CCDC102B: variants seen among roughly 807,000 people sequenced by gnomAD.
CCDC102B encodes coiled-coil domain-containing protein 102B.
In CCDC102B, 75 loss-of-function variants were observed where a neutral mutation model predicts 57.4. The observed-to-expected ratio is 1.31, with a 90% CI of 1.08 to 1.58. The LOEUF (loss-of-function observed/expected upper bound fraction) is 1.58. Among genes scored for constraint, CCDC102B ranks in the 40% most tolerant of loss-of-function variants. The pLI is 0.00. For missense variants in CCDC102B, 636 were observed against 582.6 expected, an observed-to-expected ratio of 1.09 and a Z score of -0.94; for synonymous variants, 206 against 201.9, an observed-to-expected ratio of 1.02 and a Z score of -0.17.
chr18:69,031,437 C>A (rs370997244), intron 7 of CCDC102B, among the ~76,000 whole-genome samples: 2 of 149,932 alleles, frequency 1.3e-5, no homozygotes, highest in African/African-American at 4.9e-5. Flanking sequence ...TACAAGGCAC[C>A]TTCCTGGAGA....
intron 5 of CCDC102B, among the ~76,000 whole-genome samples, chr18:68,881,537 G>A (rs2039692230): frequency 6.6e-6 from 1 of 152,136 alleles, no homozygotes; most frequent in African/African-American, 2.4e-5. Context: ...TGGGTGCATT[G>A]AGTAAAGCAG....
chr18:68,765,337 GAAAGAA>G (rs1432591378), intron 2 of CCDC102B, among the ~76,000 whole-genome samples: 3 of 87,470 alleles, frequency 3.4e-5, no homozygotes, highest in South Asian at 7.5e-4. Flanking sequence ...AAGAAAGAAA[GAAAGAA>G]AGAAAGAAAG....
intron 7 of CCDC102B, among the ~76,000 whole-genome samples, chr18:69,043,231 C>T (rs909702937): frequency 1.3e-5 from 2 of 152,150 alleles, no homozygotes; most frequent in African/African-American, 2.4e-5. Flanking sequence ...TGTCCCACCT[C>T]CAGCCCTAAG....
intron 2 of CCDC102B, among the ~76,000 whole-genome samples, chr18:68,724,178 T>G (rs530461171): frequency 6.6e-6 from 1 of 152,274 alleles, no homozygotes; most frequent in East Asian, 1.9e-4. Context: ...AGGCACCAGG[T>G]CCTGAGGCTA....
intron 6 of CCDC102B, among the ~76,000 whole-genome samples, chr18:68,921,901 A>T (rs1363276053): frequency 6.6e-6 from 1 of 152,202 alleles, no homozygotes. Context: ...ATTGTTAGTC[A>T]TAATTTGTTA....
At chr18:68,790,821 A>T (rs1183241200) in intron 2 of CCDC102B, among the ~76,000 whole-genome samples, 1 of 152,158 alleles carries the variant, frequency 6.6e-6, no homozygotes, top group Non-Finnish European at 1.5e-5. Context: ...TGTAGACCGG[A>T]GCTGTTCCTA....
At chr18:68,766,449 A>G (rs1028753037) in intron 2 of CCDC102B, among the ~76,000 whole-genome samples, 35 of 152,160 alleles carry the variant, frequency 2.3e-4, no homozygotes, top group Admixed American at 1.2e-3. Flanking sequence ...AGAAGTGGAA[A>G]TTCTTACCCA....
chr18:68,727,551 T>G (rs900830236), intron 2 of CCDC102B, among the ~76,000 whole-genome samples: 1 of 152,220 alleles, frequency 6.6e-6, no homozygotes. Flanking sequence ...TGGGACTCAA[T>G]GTATTCATGA....
intron 6 of CCDC102B, among the ~76,000 whole-genome samples, chr18:68,903,019 A>G (rs2040505348): frequency 6.6e-6 from 1 of 152,204 alleles, no homozygotes; most frequent in African/African-American, 2.4e-5. Context: ...TTGTGGTTTA[A>G]GATAAGCAAT....
Position 68,987,615 on chromosome 18 carries a change from C to G in CCDC102B, c.1264-23319C>G, listed in dbSNP as rs182930445. On this transcript the variant is annotated intron_variant, in intron 6 of 7. Transcript: ENST00000360242. ...AAAGAAACTAACAGAGTAAATAGAC[C>G]ACCTACAGAATGGGAGAAAATATTC... Among the ~76,000 whole-genome samples, 12 of 151,912 alleles carry G rather than the reference C, an allele frequency of 7.9e-5. No homozygotes were observed. The South Asian group carries it at 2.5e-3, about 32-fold the overall frequency.
chr18:69,037,512 A>T (rs1433553739), intron 7 of CCDC102B, among the ~76,000 whole-genome samples: 1 of 152,054 alleles, frequency 6.6e-6, no homozygotes, highest in African/African-American at 2.4e-5. Context: ...AAGCAGCATC[A>T]GTATCACCTG....
At chr18:68,781,269 T>C (rs2034999730) in intron 2 of CCDC102B, among the ~76,000 whole-genome samples, 1 of 152,176 alleles carries the variant, frequency 6.6e-6, no homozygotes, top group South Asian at 2.1e-4. Context: ...TTATGTAATA[T>C]ATATTAATTT....
intron 1 of CCDC102B, among the ~76,000 whole-genome samples, chr18:68,810,685 T>G (rs1247930348): frequency 4.5e-4 from 20 of 44,898 alleles, no homozygotes; most frequent in African/African-American, 1.3e-3. Flanking sequence ...TCTTTGTTTT[T>G]TTTTTTTTTT....
intron 6 of CCDC102B, among the ~76,000 whole-genome samples, chr18:68,977,607 T>C (rs1270246972): frequency 6.6e-6 from 1 of 151,548 alleles, no homozygotes; most frequent in Non-Finnish European, 1.5e-5. Context: ...CTTTTTCTGA[T>C]TTTATAGGTT....
At chr18:68,997,583 T>G (rs1285409946) in intron 6 of CCDC102B, among the ~76,000 whole-genome samples, 1 of 152,148 alleles carries the variant, frequency 6.6e-6, no homozygotes, top group African/African-American at 2.4e-5. Context: ...CGGATTTCAG[T>G]GTATGTCTGT....
chr18:68,877,583 G>C (rs1429350392), intron 5 of CCDC102B, among the ~76,000 whole-genome samples: 5 of 152,180 alleles, frequency 3.3e-5, no homozygotes. Context: ...TACTCTCAAT[G>C]CTTCCAATCC....
intron 7 of CCDC102B, among the ~76,000 whole-genome samples, chr18:69,018,138 A>G (rs747018430): frequency 1.6e-4 from 25 of 152,200 alleles, no homozygotes; most frequent in Non-Finnish European, 2.8e-4. Context: ...TTGTTTTCAT[A>G]TCTTCACCAT....
At chr18:69,037,028 T>C (rs572735789) in intron 7 of CCDC102B, among the ~76,000 whole-genome samples, 27 of 150,050 alleles carry the variant, frequency 1.8e-4, no homozygotes, top group East Asian at 9.9e-4. Flanking sequence ...GGTGTATATA[T>C]ACACACACAC....
intron 2 of CCDC102B, among the ~76,000 whole-genome samples, chr18:68,774,604 T>C (rs2034749036): frequency 6.6e-6 from 1 of 152,030 alleles, no homozygotes; most frequent in Non-Finnish European, 1.5e-5. Context: ...ACAGCTATTT[T>C]TGTCAAATTA....
Sources: allele counts gnomAD v4.1 joint callset (sites outside exome capture counted in the v4.1 genomes callset), GRCh38; gene constraint gnomAD v4.1.1; transcripts MANE v1.5; gene names NCBI Gene and HGNC (gene_info 2026-07-23, HGNC 2026-07-21).